Variants in SLC23A1 observed in about 807,000 individuals in gnomAD.
The protein encoded by SLC23A1 is solute carrier family 23 member 1.
A neutral mutation model predicts 62.5 loss-of-function variants in SLC23A1; 31 were observed. The observed-to-expected ratio is 0.50, with a 90% CI of 0.37 to 0.67. The LOEUF (loss-of-function observed/expected upper bound fraction) is 0.67. SLC23A1 is among the 30% of genes least tolerant of loss of function. The pLI, the probability that SLC23A1 is intolerant of heterozygous loss-of-function variation, is 0.00. For missense variants in SLC23A1, 640 were observed against 782.7 expected (o/e 0.82, Z 2.18); for synonymous variants, 271 against 313.2 (o/e 0.87, Z 1.42).
At chr5:139,369,591 A>G (rs1757526024) in intron 14 of SLC23A1, 1 of 152,766 alleles carries the variant, frequency 6.5e-6, no homozygotes. Flanking sequence ...TTGGCTTCTT[A>G]AACTTCATAT....
chr5:139,380,260 CAG>C lies in SLC23A1; in HGVS notation c.593_594del (p.Ser198CysfsTer97). On this transcript the variant is annotated frameshift_variant, in exon 6 of 15. Coordinates refer to ENST00000348729, the MANE Select transcript of SLC23A1 (RefSeq NM_005847.5). LOFTEE classifies it high-confidence loss of function. ...VTPTVSLIGL[S>X]VFQAAGDRAG... is the part of the protein sequence containing the mutation. ...GCTCGGTCGCCAGCAGCTTGGAAGA[CAG>C]AAAGGCCAATGAGGGAGACAGTGGG... The C allele has an allele frequency of 6.3e-7, 1 of 1,577,460 alleles. No homozygotes were observed. The highest frequency in any genetic ancestry group is 8.6e-7 in the Non-Finnish European group (1 of 1,161,530).
chr5:139,384,270 G>T, upstream of SLC23A1: 2 of 1,037,230 alleles, frequency 1.9e-6, no homozygotes, highest in South Asian at 1.6e-5. Context: ...AAGAACTCAG[G>T]CTCCTCAGCT....
rs754728443 is a variant in SLC23A1 at position 139,378,259 on chromosome 5, A to G, written c.1272T>C (p.Pro424=). 1.2e-6 allele frequency: 2 copies of G among 1,610,278 alleles called. No homozygotes were observed. The highest frequency in any genetic ancestry group is 1.7e-6 in the Non-Finnish European group (2 of 1,178,602). The change falls in exon 11 of 15, where the codon CCT becomes CCC. Residue 424 remains proline, a synonymous_variant. Coordinates refer to ENST00000348729, the MANE Select transcript of SLC23A1 (RefSeq NM_005847.5). This position sits in a 1 kb window ranked among gnomAD's most constrained non-coding sequence, Gnocchi z 4.5. ...AGAACATGCCCCCCAGGATGGGGTC[A>G]GGGAGCGAGGCGAAGAGGGCCGTGA... ...GKFTALFASL[P]DPILGGMFCT... is the part of the protein sequence containing the mutation.
chr5:139,376,197 T>G (rs1581361876), intron 13 of SLC23A1, among the ~76,000 whole-genome samples: 1 of 86,366 alleles, frequency 1.2e-5, no homozygotes, highest in African/African-American at 4.4e-5. Context: ...TGAGATGGAG[T>G]CTCACCCTGT....
In SLC23A1 at chr5:139,381,969, G is replaced by A. The variant is rs764322516; in HGVS notation, c.231C>T (p.His77=). 16 of 1,597,908 alleles carry A rather than the reference G, an allele frequency of 1.0e-5. No individual in the cohort carries two copies. In the Admixed American group the frequency reaches 2.8e-4, roughly 28 times the overall value. ...TGGTGCCGATGAGCTGACTAACCATGTGCTGGTCGTGGCCCACACACAGCG... is the reference window on the plus strand; with the variant it reads ...TGGTGCCGATGAGCTGACTAACCATATGCTGGTCGTGGCCCACACACAGCG... The part of the protein sequence containing the change: ...AEALCVGHDQ[H]MVSQLIGTIF... The change falls in exon 3 of 15, where the codon CAC becomes CAT. Residue 77 remains histidine (H), a synonymous_variant. Coordinates refer to ENST00000348729, the MANE Select transcript of SLC23A1 (RefSeq NM_005847.5).
In SLC23A1 at chr5:139,379,369, A is replaced by G. The variant is rs772923830; in HGVS notation, c.926-15T>C. On this transcript the variant is annotated splice_polypyrimidine_tract_variant and intron_variant, in intron 8 of 14. Coordinates refer to ENST00000348729, the MANE Select transcript of SLC23A1 (RefSeq NM_005847.5). This position sits in a 1 kb window ranked among gnomAD's most constrained non-coding sequence, Gnocchi z 4.7. ...GCCCCACTGACCTGTGCTCGGAGGG[A>G]GACAGGATGGTGGCTACAGTGAGGA... 2 of 1,613,078 alleles carry G rather than the reference A, an allele frequency of 1.2e-6. No individual in the cohort carries two copies. Among genetic ancestry groups the G allele is most frequent in the South Asian group, 2.2e-5 (2 of 91,052 alleles).
chr5:139,378,517 T>A lies in SLC23A1; in HGVS notation c.1179+62A>T. ...GGGCTAAACCAAAGTGGGGACCGAG[T>A]TGGGGCGGGGCCTGCGGCCCACGGA... is the stretch of plus-strand genomic sequence containing the variant. On this transcript the variant is annotated intron_variant, in intron 10 of 14. Coordinates refer to ENST00000348729, the MANE Select transcript of SLC23A1 (RefSeq NM_005847.5). This position sits in a 1 kb window ranked among gnomAD's most constrained non-coding sequence, Gnocchi z 4.5. 1 of 1,434,368 alleles carries A rather than the reference T, an allele frequency of 7.0e-7. No homozygotes were observed. Among genetic ancestry groups the A allele is most frequent in the Admixed American group, 2.0e-5 (1 of 49,524 alleles). 88.9% of individuals were successfully genotyped at this position (1,434,368 alleles called of 1,614,324 possible). A position where few individuals can be genotyped will look rare whatever the true frequency, so the allele number is the denominator to read the frequency against.
upstream of SLC23A1, chr5:139,384,405 G>GGCAGA: frequency 1.6e-6 from 2 of 1,289,688 alleles, no homozygotes; most frequent in Non-Finnish European, 2.0e-6. Flanking sequence ...AGGGCCAAGG[G>GGCAGA]GCAGCACCGC....
At chr5:139,372,387 T>A in intron 13 of SLC23A1, 134 bp from the exon 14 acceptor site, 1 of 814,370 alleles carries the variant, frequency 1.2e-6, no homozygotes, top group Non-Finnish European at 1.9e-6. Context: ...AAAACGTGGC[T>A]GAATCTATGG....
chr5:139,384,520 C>T (rs1215651125), upstream of SLC23A1: 3 of 1,289,652 alleles, frequency 2.3e-6, no homozygotes, highest in Non-Finnish European at 3.0e-6. Context: ...CTCTTGGCTA[C>T]TGCTCCCAAT....
At position 139,377,497 on chromosome 5, in the gene SLC23A1, C is replaced by G; in HGVS notation, c.1454G>C (p.Gly485Ala). The change falls in exon 13 of 15, where the codon GGC becomes GCC. Residue 485 changes from glycine to alanine, a missense_variant and splice_region_variant. Physicochemically the swap from Gly to Ala is moderately conservative, Grantham distance 60 (BLOSUM62 0). Transcript: ENST00000348729. ...LESNPGAINT[G>A]ILEVDQILIV... ...CAGAATCTGATCCACTTCAAGAATG[C>G]CTGTGGAATAGGCCAAGGGCCAATG... The G allele has an allele frequency of 6.3e-7, 1 of 1,587,678 alleles. No homozygotes were observed. Among genetic ancestry groups the G allele is most frequent in the Non-Finnish European group, 8.7e-7 (1 of 1,155,910 alleles).
Position 139,383,293 on chromosome 5 carries a change from G to A in SLC23A1, c.-40C>T, listed in dbSNP as rs1340224008. On this transcript the variant is annotated 5_prime_UTR_variant, in exon 1 of 15. Transcript: ENST00000348729. ...TTTGAGCAGTTCCTGAGGAGAAGAG[G>A]GGATGACTTGACAAAGGCCAAGGAG... The A allele has an allele frequency of 1.9e-6, 3 of 1,604,446 alleles. No individual in the cohort carries two copies. In the Admixed American group the frequency reaches 5.1e-5, roughly 27 times the overall value.
chr5:139,372,294 C>T (rs751512702), intron 13 of SLC23A1, 41 bp from the exon 14 acceptor site: 20 of 1,585,468 alleles, frequency 1.3e-5, no homozygotes, highest in Non-Finnish European at 1.5e-5. Flanking sequence ...GGCCAGCAAC[C>T]CTCAGCCACC....
intron 4 of SLC23A1, 53 bp from the exon 5 acceptor site, chr5:139,380,685 G>A (rs1284041577): frequency 4.0e-6 from 6 of 1,515,910 alleles, no homozygotes; most frequent in Non-Finnish European, 2.8e-6. Context: ...GACAGAGAGG[G>A]AGAGAAGATG....
In SLC23A1 at chr5:139,372,243, C is replaced by G. The variant is rs771283800; in HGVS notation, c.1560G>C (p.Glu520Asp). The G allele has an allele frequency of 1.2e-6, 2 of 1,613,308 alleles. No individual in the cohort carries two copies. The highest frequency in any genetic ancestry group is 2.2e-5 in the East Asian group (1 of 44,886). ...CTTTCCACTGTATCAGACCACGCTC[C>G]TCTGGGCTCCCTGGAAGAGGATAGT... ...ILDNTVPGSPEERGLIQWKAG... is the reference protein window; with the variant it reads ...ILDNTVPGSPDERGLIQWKAG... Residue 520 changes from glutamate to aspartate, a missense_variant, in exon 14 of 15, where the codon GAG becomes GAC. Physicochemically the swap from Glu to Asp is conservative, Grantham distance 45 (BLOSUM62 2). Transcript: ENST00000348729.
intron 14 of SLC23A1, among the ~76,000 whole-genome samples, chr5:139,371,545 A>T (rs1441259097): frequency 6.6e-6 from 1 of 152,232 alleles, no homozygotes; most frequent in African/African-American, 2.4e-5. Flanking sequence ...GACGTTATTG[A>T]GACAAGGCAG....
In SLC23A1 at chr5:139,371,935, A is replaced by T. The variant is rs1757690627; in HGVS notation, c.*19+52T>A. ...TTTGGTTTTTCTTTGGTTAAAGCAT[A>T]AGAATGTTTTGATTATTCAACCCTC... On this transcript the variant is annotated intron_variant, in intron 14 of 14. Coordinates refer to ENST00000348729, the MANE Select transcript of SLC23A1 (RefSeq NM_005847.5). The T allele has an allele frequency of 4.2e-6, 6 of 1,416,438 alleles. No individual in the cohort carries two copies. In the Admixed American group the frequency reaches 9.3e-5, roughly 22 times the overall value. 87.7% of individuals were successfully genotyped at this position (1,416,438 alleles called of 1,614,324 possible).
intron 3 of SLC23A1, among the ~76,000 whole-genome samples, chr5:139,381,261 G>C (rs568410715): frequency 6.6e-6 from 1 of 152,366 alleles, no homozygotes; most frequent in East Asian, 1.9e-4. Context: ...GCACTCGGGA[G>C]CGTGGGGCCC....
At position 139,380,284 on chromosome 5, in the gene SLC23A1, T is replaced by C. The variant is rs1416318189; in HGVS notation, c.571A>G (p.Thr191Ala). 3 of 1,592,448 alleles carry C rather than the reference T, an allele frequency of 1.9e-6. No homozygotes were observed. Among genetic ancestry groups the C allele is most frequent in the South Asian group, 1.1e-5 (1 of 88,116 alleles). The change falls in exon 6 of 15, where the codon ACT becomes GCT. Residue 191 changes from threonine (T) to alanine (A), a missense_variant. Transcript: ENST00000348729. The part of the protein sequence containing the change: ...NYIGPLTVTP[T>A]VSLIGLSVFQ... ...ACAGAAAGGCCAATGAGGGAGACAG[T>C]GGGGGTGACTGTGAGAGGCCCAATG...
Sources: gnomAD v4.1 joint callset for allele counts (sites outside exome capture counted in the v4.1 genomes callset) on GRCh38, gnomAD v4.1.1 for gene constraint, Gnocchi (gnomAD v3.1) non-coding constraint, MANE v1.5 for transcripts, NCBI Gene and HGNC (gene_info 2026-07-23, HGNC 2026-07-21) for gene names.